Variants in DCDC1 observed in about 807,000 individuals in gnomAD.
DCDC1 encodes the protein doublecortin domain-containing protein 1.
DCDC1 carries 200 observed loss-of-function variants against 178.3 expected under a neutral mutation model. The ratio of observed to expected loss-of-function variants is 1.12; its 90% confidence interval spans 1.00 to 1.26. The LOEUF (loss-of-function observed/expected upper bound fraction) is 1.26. Among genes scored for constraint, DCDC1 ranks in the 50% most tolerant of loss-of-function variants. DCDC1 has a pLI of 0.00. For missense variants in DCDC1, 1,983 were observed against 1,749.2 expected (o/e 1.13, Z -2.38); for synonymous variants, 690 against 604.8 (o/e 1.14, Z -2.07).
At chr11:31,155,940 G>A (rs1031091046) in intron 9 of DCDC1, 20 of 152,240 alleles carry the variant, frequency 1.3e-4, no homozygotes, top group African/African-American at 4.8e-4. Context: ...AAGACTCAGA[G>A]GTCAGACCAG....
chr11:30,987,084 T>C (rs374490077), intron 20 of DCDC1, among the ~76,000 whole-genome samples: 85 of 152,280 alleles, frequency 5.6e-4, no homozygotes, highest in African/African-American at 2.0e-3. Flanking sequence ...TAGCATAATC[T>C]AGGCTCACTG....
chr11:31,191,727 G>C (rs1259730245), intron 9 of DCDC1, among the ~76,000 whole-genome samples: 1 of 152,024 alleles, frequency 6.6e-6, no homozygotes, highest in East Asian at 1.9e-4. Context: ...GAAGTGAAAA[G>C]ATAAAGAATG....
At chr11:31,223,425 A>G (rs1974520017) in intron 9 of DCDC1, among the ~76,000 whole-genome samples, 1 of 152,228 alleles carries the variant, frequency 6.6e-6, no homozygotes, top group African/African-American at 2.4e-5. Context: ...ATAGCCATAT[A>G]ATGTAAACAG....
At chr11:31,020,536 T>C (rs556140030) in intron 20 of DCDC1, among the ~76,000 whole-genome samples, 5 of 152,344 alleles carry the variant, frequency 3.3e-5, no homozygotes, top group African/African-American at 1.2e-4. Flanking sequence ...GCCACTTCTC[T>C]TTCCTCATTT....
intron 9 of DCDC1, among the ~76,000 whole-genome samples, chr11:31,232,248 A>T (rs1421580434): frequency 6.6e-6 from 1 of 152,200 alleles, no homozygotes; most frequent in Non-Finnish European, 1.5e-5. Context: ...TTTAATTATC[A>T]TGTAAATAGA....
chr11:30,896,782 T>A (rs1944255398), intron 34 of DCDC1, among the ~76,000 whole-genome samples: 1 of 152,216 alleles, frequency 6.6e-6, no homozygotes, highest in African/African-American at 2.4e-5. Context: ...GTAGTAAAGA[T>A]TTGACATTTG....
chr11:30,907,226 C>T (rs1221619641), intron 29 of DCDC1, among the ~76,000 whole-genome samples: 1 of 152,080 alleles, frequency 6.6e-6, no homozygotes, highest in Non-Finnish European at 1.5e-5. Flanking sequence ...AACAAATAAA[C>T]CCCAAGCAAA....
At position 31,110,454 on chromosome 11, in the gene DCDC1, C is replaced by T; in HGVS notation, c.1486-93G>A. The T allele has an allele frequency of 8.5e-6, 5 of 585,156 alleles. No individual in the cohort carries two copies. The South Asian group carries it at 8.8e-5, about 10-fold the overall frequency. The allele number at this position is 585,156 out of a possible 1,614,324, so 36.2% of individuals were successfully genotyped here. ...ACTTAGATAAATTTAGGCAGTCATC[C>T]TTTTTCATGGTACCATGTCAACTGA... is the stretch of plus-strand genomic sequence containing the variant. On this transcript the variant is annotated intron_variant, in intron 11 of 38. Transcript: ENST00000684477.
At chr11:31,036,185 C>A (rs1954014364) in intron 20 of DCDC1, among the ~76,000 whole-genome samples, 1 of 152,204 alleles carries the variant, frequency 6.6e-6, no homozygotes, top group Non-Finnish European at 1.5e-5. Context: ...TATCTTTCCA[C>A]ACCTAGCAAA....
At chr11:31,136,925 T>C (rs1444110620) in intron 10 of DCDC1, among the ~76,000 whole-genome samples, 1 of 152,226 alleles carries the variant, frequency 6.6e-6, no homozygotes, top group Non-Finnish European at 1.5e-5. Flanking sequence ...TCACTTAGGC[T>C]TAACATTTGT....
intron 1 of DCDC1, 110 bp from the exon 2 acceptor site, chr11:31,335,674 C>A (rs1950235619): frequency 6.6e-6 from 1 of 152,186 alleles, no homozygotes; most frequent in African/African-American, 2.4e-5. Context: ...CAGTCCCCAA[C>A]CTTTTTGACA....
chr11:31,291,181 T>G (rs1385985481), intron 6 of DCDC1, among the ~76,000 whole-genome samples: 3 of 152,070 alleles, frequency 2.0e-5, no homozygotes, highest in Non-Finnish European at 4.4e-5. Context: ...AAGGGTCTAT[T>G]GAAAATATCC....
At chr11:30,891,594 G>A (rs1260183053) in intron 36 of DCDC1, among the ~76,000 whole-genome samples, 1 of 152,088 alleles carries the variant, frequency 6.6e-6, no homozygotes, top group Non-Finnish European at 1.5e-5. Context: ...TCTGATTTTT[G>A]AAAGAACCAG....
At chr11:31,115,665 T>C (rs902839719) in intron 11 of DCDC1, among the ~76,000 whole-genome samples, 1 of 152,130 alleles carries the variant, frequency 6.6e-6, no homozygotes, top group African/African-American at 2.4e-5. Flanking sequence ...TTGTCTTGGA[T>C]TGGGGACCAC....
In DCDC1 at chr11:31,286,216, T is replaced by C. The variant is rs577659422; in HGVS notation, c.960+4431A>G. ...CTTTAAGTGGGGCCTAGAGTCTGAT[T>C]TTTTAACAGAAAGGCCAGACGATTC... On this transcript the variant is annotated intron_variant, in intron 7 of 38. Transcript: ENST00000684477. 2.1e-3 allele frequency among the ~76,000 whole-genome samples: 320 copies of C among 152,224 alleles called. 2 individuals carry two copies. Among genetic ancestry groups the C allele is most frequent in the African/African-American group, 7.3e-3 (302 of 41,564 alleles).
At chr11:31,037,000 T>C (rs1178999316) in intron 20 of DCDC1, among the ~76,000 whole-genome samples, 3 of 152,184 alleles carry the variant, frequency 2.0e-5, no homozygotes, top group Non-Finnish European at 2.9e-5. Context: ...CAAGGTCATA[T>C]AACTCCTAAG....
chr11:31,001,952 T>A (rs557378202), intron 20 of DCDC1, among the ~76,000 whole-genome samples: 46 of 152,350 alleles, frequency 3.0e-4, no homozygotes, highest in African/African-American at 1.1e-3. Flanking sequence ...GTGTCCTAAA[T>A]ATTGCAATGT....
At chr11:31,340,882 C>A (rs184766504) in intron 1 of DCDC1, among the ~76,000 whole-genome samples, 1 of 152,020 alleles carries the variant, frequency 6.6e-6, no homozygotes, top group African/African-American at 2.4e-5. Flanking sequence ...GTATTGATTA[C>A]AGAATGAGTA....
intron 6 of DCDC1, among the ~76,000 whole-genome samples, chr11:31,304,563 A>G (rs542725983): frequency 6.6e-6 from 1 of 152,256 alleles, no homozygotes; most frequent in South Asian, 2.1e-4. Flanking sequence ...AATTCAAGAA[A>G]TTGCTTATTT....
Sources: gnomAD v4.1 joint callset for allele counts (sites outside exome capture counted in the v4.1 genomes callset) on GRCh38, gnomAD v4.1.1 for gene constraint, MANE v1.5 for transcripts, NCBI Gene and HGNC (gene_info 2026-07-23, HGNC 2026-07-21) for gene names.